GALNT13: variants seen among roughly 807,000 people sequenced by gnomAD.
GALNT13 encodes UDP-GalNAc:polypeptide N-acetylgalactosaminyltransferase 13.
A neutral mutation model predicts 64.2 loss-of-function variants in GALNT13; 28 were observed. The observed-to-expected ratio is 0.44, with a 90% CI of 0.32 to 0.60. The LOEUF is 0.60. GALNT13 is among the 20% of genes least tolerant of loss of function. The pLI is 0.05. For synonymous variants in GALNT13, 214 were observed against 224.6 expected (o/e 0.95, Z 0.42); for missense variants, 577 against 669.8 (o/e 0.86, Z 1.53).
In GALNT13 at chr2:154,067,626, C is replaced by T. The variant is rs370304596; in HGVS notation, c.143-72711C>T. The stretch of plus-strand genomic sequence containing the variant: ...TGTATGCAACCAACACTGGCACAGC[C>T]AGATATATAAAGGAAATATTAGAGC... On this transcript the variant is annotated intron_variant, in intron 3 of 12. Coordinates refer to ENST00000392825, the MANE Select transcript of GALNT13 (RefSeq NM_052917.4). Among the ~76,000 whole-genome samples, 4 of 151,928 alleles carry T rather than the reference C, an allele frequency of 2.6e-5. No homozygotes were observed. In the East Asian group the frequency reaches 7.7e-4, roughly 29 times the overall value.
chr2:153,070,472 C>T, the GALNT13 span, among the ~76,000 whole-genome samples: 3 of 152,162 alleles, frequency 2.0e-5, no homozygotes, highest in East Asian at 5.8e-4. Context: ...GGATTTTGGT[C>T]AATAATAAAT....
the GALNT13 span, among the ~76,000 whole-genome samples, chr2:153,117,146 G>A: frequency 6.6e-6 from 1 of 152,192 alleles, no homozygotes; most frequent in South Asian, 2.1e-4. Context: ...TTATTTTAAA[G>A]TTCTAGCAGA....
the GALNT13 span, among the ~76,000 whole-genome samples, chr2:153,256,825 G>T: frequency 1.3e-5 from 2 of 152,346 alleles, no homozygotes; most frequent in South Asian, 2.1e-4. Context: ...ATCTCCAGCT[G>T]TGTGCTGGGA....
At chr2:154,072,061 A>T (rs530398699) in intron 3 of GALNT13, among the ~76,000 whole-genome samples, 2 of 152,286 alleles carry the variant, frequency 1.3e-5, no homozygotes, top group East Asian at 3.9e-4. Context: ...GCTGAGCTGT[A>T]TATGAAGTTG....
chr2:153,205,292 G>A, the GALNT13 span, among the ~76,000 whole-genome samples: 2 of 151,516 alleles, frequency 1.3e-5, no homozygotes, highest in African/African-American at 4.9e-5. Flanking sequence ...GCTTGTTCAG[G>A]CCCTTCTTAT....
intron 10 of GALNT13, 21 bp from the exon 11 acceptor site, chr2:154,408,963 C>A (rs747855596): frequency 1.3e-5 from 19 of 1,435,894 alleles, no homozygotes; most frequent in South Asian, 2.3e-5. Flanking sequence ...TTATCCCCCC[C>A]CTTTTGTGTG....
the GALNT13 span, among the ~76,000 whole-genome samples, chr2:153,403,416 C>T: frequency 4.6e-5 from 7 of 152,274 alleles, no homozygotes; most frequent in African/African-American, 1.7e-4. Flanking sequence ...GTGGAGCCTA[C>T]AGAGGCAGGC....
Position 154,386,771 on chromosome 2 carries a change from A to T in GALNT13, c.1157-9220A>T, listed in dbSNP as rs114644820. On this transcript the variant is annotated intron_variant, in intron 9 of 12. Transcript: ENST00000392825. ...TCTTTTATTTTAAAAGACTACTGCA[A>T]ATACTCACTTTTCTTATTTCCCATA... Among the ~76,000 whole-genome samples, 1,214 of 152,180 alleles carry T rather than the reference A, an allele frequency of 8.0e-3. 15 individuals carry two copies. The highest frequency in any genetic ancestry group is 0.027 in the African/African-American group (1,131 of 41,548).
the GALNT13 span, among the ~76,000 whole-genome samples, chr2:153,530,343 C>G: frequency 6.6e-6 from 1 of 151,638 alleles, no homozygotes. Context: ...AATGAAAACT[C>G]TAAAATATTG....
At chr2:153,148,478 CTTT>C in the GALNT13 span, among the ~76,000 whole-genome samples, 1,521 of 135,656 alleles carry the variant, frequency 0.011, 24 homozygotes, top group African/African-American at 0.039. Context: ...TCCATTTTTT[CTTT>C]TTTTTTTTTT....
intron 3 of GALNT13, among the ~76,000 whole-genome samples, chr2:153,949,371 A>G (rs1692004012): frequency 6.6e-6 from 1 of 152,042 alleles, no homozygotes; most frequent in African/African-American, 2.4e-5. Flanking sequence ...CACTGGATCT[A>G]GAGTATTAGA....
At chr2:154,182,779 A>T (rs935155974) in intron 4 of GALNT13, among the ~76,000 whole-genome samples, 6 of 151,716 alleles carry the variant, frequency 4.0e-5, no homozygotes, top group Admixed American at 3.9e-4. Context: ...ACAGTGACTC[A>T]TGACTAATCA....
chr2:153,221,053 G>T, the GALNT13 span, among the ~76,000 whole-genome samples: 1 of 152,144 alleles, frequency 6.6e-6, no homozygotes, highest in Admixed American at 6.5e-5. Context: ...TAATACCTGG[G>T]TGATGAAATA....
the GALNT13 span, among the ~76,000 whole-genome samples, chr2:153,814,148 T>A: frequency 6.6e-6 from 1 of 152,176 alleles, no homozygotes; most frequent in Non-Finnish European, 1.5e-5. Flanking sequence ...TACTCTTAGT[T>A]AAAACAATTT....
At chr2:153,184,556 G>A in the GALNT13 span, among the ~76,000 whole-genome samples, 18 of 152,306 alleles carry the variant, frequency 1.2e-4, 1 homozygote, top group African/African-American at 4.1e-4. Context: ...TTTTCAAGGG[G>A]AATGCTTTCA....
chr2:153,813,340 A>G, the GALNT13 span, among the ~76,000 whole-genome samples: 1 of 152,210 alleles, frequency 6.6e-6, no homozygotes, highest in Non-Finnish European at 1.5e-5. Flanking sequence ...TTGGTAAGTT[A>G]CTTAAAGTAT....
At chr2:154,083,422 A>T (rs1182157041) in intron 3 of GALNT13, among the ~76,000 whole-genome samples, 1 of 151,942 alleles carries the variant, frequency 6.6e-6, no homozygotes, top group Non-Finnish European at 1.5e-5. Context: ...TGTGAAATTT[A>T]AAGTAGTTTT....
chr2:153,314,634 AT>A, the GALNT13 span, among the ~76,000 whole-genome samples: 1 of 152,244 alleles, frequency 6.6e-6, no homozygotes, highest in South Asian at 2.1e-4. Context: ...ACAGAAGGAA[AT>A]TTTTAAAATT....
At chr2:154,225,101 G>GAGATAGAC (rs1688519966) in intron 4 of GALNT13, among the ~76,000 whole-genome samples, 2 of 136,110 alleles carry the variant, frequency 1.5e-5, no homozygotes, top group Non-Finnish European at 3.1e-5. Flanking sequence ...CACACATGGA[G>GAGATAGAC]AGATAGATAG....
Sources: allele counts gnomAD v4.1 joint callset (sites outside exome capture counted in the v4.1 genomes callset), GRCh38; gene constraint gnomAD v4.1.1; transcripts MANE v1.5; gene names NCBI Gene and HGNC (gene_info 2026-07-23, HGNC 2026-07-21).